The following DYSF variants were observed in gnomAD, a reference collection of about 807,000 sequenced individuals.
DYSF encodes the protein dysferlin, also known as dystrophy-associated fer-1-like 1.
In DYSF, 212 loss-of-function variants were observed where a neutral mutation model predicts 274.9. That is an observed-to-expected ratio of 0.77 (90% CI 0.69 to 0.86). DYSF has a LOEUF of 0.86. Among genes scored for constraint, DYSF ranks in the 40% least tolerant of loss-of-function variants. The pLI, the probability that DYSF is intolerant of heterozygous loss-of-function variation, is 0.00. For missense variants in DYSF, 2,666 were observed against 2,783.2 expected (o/e 0.96, Z 0.95); for synonymous variants, 1,091 against 1,078.7 (o/e 1.01, Z -0.22).
intron 3 of DYSF, among the ~76,000 whole-genome samples, chr2:71,498,278 T>A (rs2084618635): frequency 1.3e-5 from 2 of 152,222 alleles, no homozygotes. Context: ...AAACAGCTGT[T>A]ATGAAGACCT....
At chr2:71,630,629 C>A (rs1328671805) in intron 41 of DYSF, among the ~76,000 whole-genome samples, 1 of 152,224 alleles carries the variant, frequency 6.6e-6, no homozygotes, top group East Asian at 1.9e-4. Flanking sequence ...CCATAGTCTC[C>A]TATAGGCTCA....
chr2:71,614,701 C>T (rs1174824101), intron 40 of DYSF, among the ~76,000 whole-genome samples: 1 of 152,152 alleles, frequency 6.6e-6, no homozygotes, highest in Non-Finnish European at 1.5e-5. Flanking sequence ...ATTCTCAATG[C>T]TCAGCACAAG....
chr2:71,509,700 G>A (rs2085879316), intron 4 of DYSF, among the ~76,000 whole-genome samples: 2 of 152,090 alleles, frequency 1.3e-5, no homozygotes, highest in Admixed American at 1.3e-4. Context: ...TATTGTCTCA[G>A]ATTTGGCCTG....
At chr2:71,663,450 T>A (rs1318740918) in intron 45 of DYSF, among the ~76,000 whole-genome samples, 2 of 151,944 alleles carry the variant, frequency 1.3e-5, no homozygotes, top group East Asian at 3.9e-4. Flanking sequence ...GGCCTCAGAG[T>A]GGTTTCTTCT....
At chr2:71,551,806 C>T (rs545982284) in intron 19 of DYSF, 86 bp downstream of exon 19, 17 of 1,113,888 alleles carry the variant, frequency 1.5e-5, no homozygotes, top group Admixed American at 2.1e-5. Flanking sequence ...GTGTCATGGC[C>T]GAGGGAGGAG....
intron 5 of DYSF, among the ~76,000 whole-genome samples, chr2:71,512,658 C>A (rs760642860): frequency 1.3e-5 from 2 of 152,188 alleles, no homozygotes; most frequent in Non-Finnish European, 2.9e-5. Flanking sequence ...GCTACATAGA[C>A]GGGCTAGTGG....
chr2:71,564,784 A>G (rs1306447612), intron 24 of DYSF, among the ~76,000 whole-genome samples: 1 of 152,130 alleles, frequency 6.6e-6, no homozygotes, highest in Non-Finnish European at 1.5e-5. Context: ...CTCCTCTTCT[A>G]ACACCCATCC....
At chr2:71,682,299 G>A (rs1171416757) in intron 54 of DYSF, among the ~76,000 whole-genome samples, 2 of 152,074 alleles carry the variant, frequency 1.3e-5, no homozygotes, top group South Asian at 4.1e-4. Context: ...GATGCTTAGG[G>A]CTTGGCAGCA....
chr2:71,630,558 G>T (rs1039603155), intron 41 of DYSF, among the ~76,000 whole-genome samples: 4 of 152,242 alleles, frequency 2.6e-5, no homozygotes, highest in Admixed American at 1.3e-4. Context: ...ACGGCTAGAT[G>T]TGTAAACTTA....
chr2:71,577,214 T>A (rs2092729652), intron 30 of DYSF: 1 of 153,356 alleles, frequency 6.5e-6, no homozygotes, highest in East Asian at 1.9e-4. Context: ...ACTCACACAC[T>A]GTCTTACACA....
At chr2:71,478,283 C>T (rs2082563322) in intron 1 of DYSF, among the ~76,000 whole-genome samples, 1 of 150,754 alleles carries the variant, frequency 6.6e-6, no homozygotes, top group Non-Finnish European at 1.5e-5. Flanking sequence ...GCCATCTCGG[C>T]TCACTGCAAG....
chr2:71,501,715 G>T (rs1052067733), intron 3 of DYSF, among the ~76,000 whole-genome samples: 16 of 152,186 alleles, frequency 1.1e-4, no homozygotes, highest in African/African-American at 3.9e-4. Context: ...GTCCATCCAT[G>T]TTGTAGCATG....
intron 42 of DYSF, among the ~76,000 whole-genome samples, chr2:71,647,482 A>G (rs900144084): frequency 6.6e-6 from 1 of 152,226 alleles, no homozygotes; most frequent in Non-Finnish European, 1.5e-5. Flanking sequence ...CAGTATGAAC[A>G]TGGCTGCATA....
intron 41 of DYSF, among the ~76,000 whole-genome samples, chr2:71,632,193 T>C (rs2094326252): frequency 6.6e-6 from 1 of 152,190 alleles, no homozygotes; most frequent in Non-Finnish European, 1.5e-5. Context: ...AAATAGTGCT[T>C]GGAAGTTGGT....
chr2:71,559,184 T>C (rs539130975), intron 22 of DYSF, among the ~76,000 whole-genome samples: 172 of 152,304 alleles, frequency 1.1e-3, no homozygotes, highest in African/African-American at 4.0e-3. Flanking sequence ...GAACCCAAGG[T>C]GCTGGACATG....
chr2:71,669,510 T>G (rs1235089128), intron 50 of DYSF, 95 bp from the exon 51 acceptor site: 3 of 1,499,110 alleles, frequency 2.0e-6, no homozygotes, highest in Non-Finnish European at 2.8e-6. Flanking sequence ...ATAAGCTCAT[T>G]TACCTTCTTA....
chr2:71,664,585 C>A, intron 46 of DYSF, 147 bp downstream of exon 46: 1 of 898,012 alleles, frequency 1.1e-6, no homozygotes, highest in Non-Finnish European at 1.8e-6. Flanking sequence ...CAATGGGAGT[C>A]CTATCCCCAC....
chr2:71,666,955 A>G (rs1309377178), intron 47 of DYSF, among the ~76,000 whole-genome samples: 1 of 152,240 alleles, frequency 6.6e-6, no homozygotes, highest in Non-Finnish European at 1.5e-5. Context: ...TGCTAATAGT[A>G]GAACAACTTA....
Position 71,667,481 on chromosome 2 carries a change from C to T in DYSF, c.5423C>T (p.Pro1808Leu), listed in dbSNP as rs1383749479. The T allele has an allele frequency of 6.2e-7, 1 of 1,614,018 alleles. No homozygotes were observed. Among genetic ancestry groups the T allele is most frequent in the African/African-American group, 1.3e-5 (1 of 74,918 alleles). Residue 1808 changes from proline to leucine, a missense_variant, in exon 48 of 56, where the codon CCC (proline) becomes CTC (leucine). Pro to Leu is a moderately conservative substitution (Grantham distance 98). This residue lies in a region of DYSF where 1,460 missense variants were observed against 1,502.1 expected (regional missense o/e 0.97). Coordinates refer to ENST00000410020, the MANE Select transcript of DYSF (RefSeq NM_001130987.2). The stretch of plus-strand genomic sequence containing the variant: ...GTCCCGGAGCACGTGGAGTCACGGC[C>T]CCTCTACAGCCCCCTGCAGCCAGAC... ...GLVPEHVESRPLYSPLQPDIE... is the reference protein window; with the variant it reads ...GLVPEHVESRLLYSPLQPDIE...
Sources: gnomAD v4.1 joint callset for allele counts (sites outside exome capture counted in the v4.1 genomes callset) on GRCh38, gnomAD v4.1.1 for gene constraint, gnomAD v4.1.1 regional missense constraint, MANE v1.5 for transcripts, NCBI Gene and HGNC (gene_info 2026-07-23, HGNC 2026-07-21) for gene names.